Variants in SH3PXD2A observed in about 807,000 individuals in gnomAD.
SH3PXD2A encodes SH3 and PX domain-containing protein 2A.
Under a neutral mutation model 115.2 loss-of-function variants are expected in SH3PXD2A, and 32 were observed. That is an observed-to-expected ratio of 0.28 (90% CI 0.21 to 0.37). SH3PXD2A has a LOEUF of 0.37. Ranked by LOEUF, SH3PXD2A falls within the 10% of genes least tolerant of loss-of-function variation. The pLI is 1.00. For missense variants in SH3PXD2A, 1,328 were observed against 1,498.7 expected (o/e 0.89, Z 1.88); for synonymous variants, 610 against 629.1 (o/e 0.97, Z 0.45).
intron 3 of SH3PXD2A, among the ~76,000 whole-genome samples, chr10:103,748,676 G>C (rs1449543769): frequency 6.6e-6 from 1 of 152,224 alleles, no homozygotes; most frequent in Non-Finnish European, 1.5e-5. Flanking sequence ...TAGAGGGAGA[G>C]TCTGAGCAGA....
chr10:103,649,715 C>T (rs184031661), intron 8 of SH3PXD2A, among the ~76,000 whole-genome samples: 2 of 152,348 alleles, frequency 1.3e-5, no homozygotes, highest in East Asian at 1.9e-4. Flanking sequence ...ATGGTGAGCA[C>T]GCTGAGCAGA....
intron 12 of SH3PXD2A, 79 bp downstream of exon 12, chr10:103,612,774 C>T (rs1375712636): frequency 2.0e-6 from 2 of 1,000,894 alleles, no homozygotes; most frequent in East Asian, 2.6e-5. Flanking sequence ...TCCTGTGCAC[C>T]CCCCTGGCTT....
intron 1 of SH3PXD2A, among the ~76,000 whole-genome samples, chr10:103,821,092 C>T (rs2039374499): frequency 6.6e-6 from 1 of 151,162 alleles, no homozygotes; most frequent in Non-Finnish European, 1.5e-5. Flanking sequence ...ATCCAAAGCA[C>T]TTAGCACGTG....
chr10:103,684,179 C>A (rs985173721), intron 6 of SH3PXD2A, among the ~76,000 whole-genome samples: 2 of 152,066 alleles, frequency 1.3e-5, no homozygotes, highest in Admixed American at 6.6e-5. Flanking sequence ...TCAGGACAGC[C>A]CTCCTCACAC....
At chr10:103,735,700 A>G in intron 4 of SH3PXD2A, 32 bp downstream of exon 4, 4 of 972,638 alleles carry the variant, frequency 4.1e-6, no homozygotes, top group Non-Finnish European at 6.4e-6. Context: ...GCCCTCCCCG[A>G]GCCCCTCCCC....
At chr10:103,753,495 CAAAAAAAAAA>C (rs58148179) in intron 3 of SH3PXD2A, among the ~76,000 whole-genome samples, 62 of 65,452 alleles carry the variant, frequency 9.5e-4, no homozygotes, top group African/African-American at 3.1e-3. Flanking sequence ...GACCCCATCT[CAAAAAAAAAA>C]AAAAAAAAAA....
intron 3 of SH3PXD2A, among the ~76,000 whole-genome samples, chr10:103,743,674 G>T (rs1328762831): frequency 1.3e-5 from 2 of 152,110 alleles, no homozygotes; most frequent in African/African-American, 2.4e-5. Flanking sequence ...CCTGGCCCAG[G>T]CTGGGACTTT....
intron 5 of SH3PXD2A, among the ~76,000 whole-genome samples, chr10:103,699,738 G>T (rs901307203): frequency 1.3e-5 from 2 of 152,204 alleles, no homozygotes; most frequent in African/African-American, 4.8e-5. Context: ...GCCATTCTCT[G>T]CCCCCATTTG....
chr10:103,718,447 C>T (rs1254150710), intron 5 of SH3PXD2A, among the ~76,000 whole-genome samples: 1 of 152,124 alleles, frequency 6.6e-6, no homozygotes, highest in Non-Finnish European at 1.5e-5. Flanking sequence ...TCTTGCCCAC[C>T]CCTGCCCATT....
rs1193973245 is a variant in SH3PXD2A at position 103,601,541 on chromosome 10, C to T, written c.*275G>A. 6 of 361,716 alleles carry T rather than the reference C, an allele frequency of 1.7e-5. No homozygotes were observed. The highest frequency in any genetic ancestry group is 3.0e-5 in the Non-Finnish European group (6 of 198,410). The allele number at this position is 361,716 out of a possible 1,614,324, so 22.4% of individuals were successfully genotyped here. ...CCATTGGTGAAGTCCCTATGGTGCA[C>T]AGGATATCTCAGCTTTCTTGGCTCT... is the stretch of plus-strand genomic sequence containing the variant. On this transcript the variant is annotated 3_prime_UTR_variant, in exon 15 of 15. Transcript: ENST00000369774.
chr10:103,625,131 C>T (rs930957031), intron 9 of SH3PXD2A, among the ~76,000 whole-genome samples: 1 of 152,238 alleles, frequency 6.6e-6, no homozygotes, highest in African/African-American at 2.4e-5. Context: ...GCCCAACCCA[C>T]TACTACTTGT....
At chr10:103,852,878 A>G (rs1398752555) in intron 1 of SH3PXD2A, among the ~76,000 whole-genome samples, 1 of 144,498 alleles carries the variant, frequency 6.9e-6, no homozygotes, top group East Asian at 2.0e-4. Context: ...CTTAGGGTAC[A>G]TGCAATGAAA....
At chr10:103,798,144 G>A (rs186264941) in intron 2 of SH3PXD2A, among the ~76,000 whole-genome samples, 8 of 152,234 alleles carry the variant, frequency 5.3e-5, no homozygotes, top group African/African-American at 1.4e-4. Flanking sequence ...GGAGACCCAC[G>A]CTGGGGTGCA....
intron 6 of SH3PXD2A, among the ~76,000 whole-genome samples, chr10:103,687,334 C>T (rs1054938524): frequency 6.6e-6 from 1 of 152,182 alleles, no homozygotes; most frequent in African/African-American, 2.4e-5. Flanking sequence ...ACCTCCCACT[C>T]GTTCTGTTCC....
chr10:103,808,499 C>G (rs1196546158), intron 1 of SH3PXD2A, among the ~76,000 whole-genome samples: 1 of 152,062 alleles, frequency 6.6e-6, no homozygotes, highest in Non-Finnish European at 1.5e-5. Context: ...GATCCGCCCA[C>G]CTCAGCCTCC....
At chr10:103,633,739 A>C (rs905835961) in intron 8 of SH3PXD2A, among the ~76,000 whole-genome samples, 7 of 144,256 alleles carry the variant, frequency 4.9e-5, no homozygotes, top group African/African-American at 9.8e-5. Context: ...AAAAAAAAAA[A>C]AAAAAAAAAA....
chr10:103,842,042 G>A (rs564905385), intron 1 of SH3PXD2A, among the ~76,000 whole-genome samples: 484 of 150,844 alleles, frequency 3.2e-3, no homozygotes, highest in African/African-American at 0.011. Context: ...GGAGAATGGC[G>A]TGAACCCGGG....
intron 2 of SH3PXD2A, among the ~76,000 whole-genome samples, chr10:103,769,449 CTTTT>C (rs33915699): frequency 1.9e-4 from 26 of 137,428 alleles, no homozygotes; most frequent in Non-Finnish European, 3.6e-4. Context: ...TCTTCTTCTT[CTTTT>C]TTTTTTTTTT....
At chr10:103,721,091 C>T (rs754791418) in intron 5 of SH3PXD2A, among the ~76,000 whole-genome samples, 7 of 152,196 alleles carry the variant, frequency 4.6e-5, no homozygotes, top group Non-Finnish European at 7.3e-5. Flanking sequence ...GGTGATGGAG[C>T]GGCCAAATGC....
Sources: allele counts gnomAD v4.1 joint callset (sites outside exome capture counted in the v4.1 genomes callset), GRCh38; gene constraint gnomAD v4.1.1; transcripts MANE v1.5; gene names NCBI Gene and HGNC (gene_info 2026-07-23, HGNC 2026-07-21).